B3GLCT: variants seen among roughly 807,000 people sequenced by gnomAD.
The protein encoded by B3GLCT is beta-1,3-glucosyltransferase.
B3GLCT carries 65 observed loss-of-function variants against 63.4 expected under a neutral mutation model. That is an observed-to-expected ratio of 1.03 (90% CI 0.84 to 1.26). The LOEUF (loss-of-function observed/expected upper bound fraction) is 1.26. Among genes scored for constraint, B3GLCT ranks in the 50% most tolerant of loss-of-function variants. The pLI is 0.00. For missense variants in B3GLCT, 577 were observed against 604.8 expected (o/e 0.95, Z 0.48); for synonymous variants, 233 against 219.2 (o/e 1.06, Z -0.55).
intron 8 of B3GLCT, among the ~76,000 whole-genome samples, chr13:31,272,055 T>A (rs972874114): frequency 5.3e-5 from 8 of 152,186 alleles, no homozygotes; most frequent in African/African-American, 1.9e-4. Flanking sequence ...CTTTTTTAGA[T>A]GTGTCTCTTT....
chr13:31,320,870 C>G (rs1039394947), intron 13 of B3GLCT, among the ~76,000 whole-genome samples: 1 of 152,192 alleles, frequency 6.6e-6, no homozygotes, highest in Non-Finnish European at 1.5e-5. Flanking sequence ...CTGTCTAGTT[C>G]CTCCTTGTTC....
rs9564692 is a variant in B3GLCT, at chr13:31,247,103, C to A, written c.347+4C>A. The A allele has an allele frequency of 6.2e-7, 1 of 1,607,242 alleles. No homozygotes were observed. Among genetic ancestry groups the A allele is most frequent in the Non-Finnish European group, 8.5e-7 (1 of 1,174,288 alleles). ...CCATACTTCCGTTGTTACCGCAGTA[C>A]GTTTGTTTAACTCACCTGTGAATTA... On this transcript the variant is annotated splice_donor_region_variant and intron_variant, in intron 5 of 14. Transcript: ENST00000343307.
intron 3 of B3GLCT, among the ~76,000 whole-genome samples, chr13:31,225,154 AGT>A (rs1324633945): frequency 6.6e-6 from 1 of 152,194 alleles, no homozygotes; most frequent in Non-Finnish European, 1.5e-5. Flanking sequence ...TCAGGCACTT[AGT>A]GTGCGGCCCA....
chr13:31,208,726 A>G (rs1413673523), intron 1 of B3GLCT, among the ~76,000 whole-genome samples: 1 of 147,158 alleles, frequency 6.8e-6, no homozygotes, highest in Non-Finnish European at 1.5e-5. Context: ...GTCCTCCCAC[A>G]GCCGTCCCAC....
chr13:31,314,747 T>G lies in B3GLCT; in HGVS notation c.1065-2819T>G, dbSNP rs574500249. On this transcript the variant is annotated intron_variant, in intron 12 of 14. Coordinates refer to ENST00000343307, the MANE Select transcript of B3GLCT (RefSeq NM_194318.4). The stretch of plus-strand genomic sequence containing the variant: ...GGAAAGCATGATTGGTTTTGAAATG[T>G]GAGGACATGATATTTGAGAGGGGGC... Among the ~76,000 whole-genome samples the G allele has an allele frequency of 6.5e-4, 99 of 152,232 alleles. 2 individuals carry two copies. Among genetic ancestry groups the G allele is most frequent in the African/African-American group, 2.3e-3 (95 of 41,516 alleles).
At chr13:31,280,816 C>CT (rs1398522820) in intron 10 of B3GLCT, among the ~76,000 whole-genome samples, 2 of 152,194 alleles carry the variant, frequency 1.3e-5, no homozygotes, top group African/African-American at 4.8e-5. Context: ...AAAATATACT[C>CT]TGTCTTTTGG....
chr13:31,276,296 C>T (rs1872780014), intron 9 of B3GLCT, among the ~76,000 whole-genome samples: 1 of 152,210 alleles, frequency 6.6e-6, no homozygotes, highest in South Asian at 2.1e-4. Flanking sequence ...AAAATCCCCC[C>T]TATTTCTCTC....
intron 12 of B3GLCT, among the ~76,000 whole-genome samples, chr13:31,308,347 T>TAAAAA (rs1169835730): frequency 0.018 from 435 of 23,562 alleles, 10 homozygotes; most frequent in African/African-American, 0.022. Flanking sequence ...AAAAAAAAAT[T>TAAAAA]AAAAAAAAAA....
At position 31,316,431 on chromosome 13, in the gene B3GLCT, A is replaced by ATATATATAT. The variant is rs1555255278; in HGVS notation, c.1065-1135_1065-1134insTATATATAT. 1.1e-3 allele frequency among the ~76,000 whole-genome samples: 121 copies of ATATATATAT among 110,034 alleles called. 3 individuals are homozygous for ATATATATAT. Among genetic ancestry groups the ATATATATAT allele is most frequent in the South Asian group, 5.2e-3 (16 of 3,050 alleles). 72.2% of individuals were successfully genotyped at this position (110,034 alleles called of 152,430 possible). On this transcript the variant is annotated intron_variant, in intron 12 of 14. Coordinates refer to ENST00000343307, the MANE Select transcript of B3GLCT (RefSeq NM_194318.4). The stretch of plus-strand genomic sequence containing the variant: ...TTTATATATATATATATATATATAT[A>ATATATATAT]AATTTTTTTTTTTTGAGACGGAGTT...
chr13:31,226,741 A>G (rs190891791), intron 3 of B3GLCT, among the ~76,000 whole-genome samples: 1 of 152,254 alleles, frequency 6.6e-6, no homozygotes, highest in East Asian at 1.9e-4. Flanking sequence ...AGCTAGGATT[A>G]ACCTTTTGAT....
intron 6 of B3GLCT, among the ~76,000 whole-genome samples, chr13:31,253,488 G>A (rs1593275324): frequency 1.3e-5 from 2 of 151,438 alleles, no homozygotes; most frequent in East Asian, 1.9e-4. Flanking sequence ...AGCTACTCGG[G>A]AGGCTGAGGC....
chr13:31,275,094 G>A (rs953679111), intron 9 of B3GLCT, among the ~76,000 whole-genome samples: 1 of 152,098 alleles, frequency 6.6e-6, no homozygotes, highest in Admixed American at 6.5e-5. Context: ...TCTTTATTCA[G>A]TCCACCATTA....
chr13:31,245,446 A>G (rs1272308936), intron 4 of B3GLCT, among the ~76,000 whole-genome samples: 1 of 152,150 alleles, frequency 6.6e-6, no homozygotes, highest in African/African-American at 2.4e-5. Flanking sequence ...TCATTGTTCT[A>G]TCATCTTGAC....
intron 1 of B3GLCT, among the ~76,000 whole-genome samples, chr13:31,203,443 T>C (rs530298882): frequency 4.6e-5 from 7 of 152,296 alleles, no homozygotes; most frequent in African/African-American, 1.4e-4. Flanking sequence ...CTGTTTCAAA[T>C]AGCAGTGTGA....
chr13:31,315,621 C>T (rs1221793313), intron 12 of B3GLCT, among the ~76,000 whole-genome samples: 1 of 152,210 alleles, frequency 6.6e-6, no homozygotes, highest in Non-Finnish European at 1.5e-5. Flanking sequence ...AATTTGCAGC[C>T]TGACTGTGAG....
In B3GLCT at chr13:31,295,768, C is replaced by T. The variant is rs116493526; in HGVS notation, c.1064+8949C>T. On this transcript the variant is annotated intron_variant, in intron 12 of 14. Transcript: ENST00000343307. ...TGCTGGGCTCCGTGGGGGTGGGGTT[C>T]GCTGAGCTAGACTACTTGGCTCCCT... Among the ~76,000 whole-genome samples the T allele has an allele frequency of 8.6e-3, 1,312 of 152,258 alleles. 15 individuals carry two copies. The highest frequency in any genetic ancestry group is 0.03 in the African/African-American group (1,247 of 41,536).
intron 12 of B3GLCT, among the ~76,000 whole-genome samples, chr13:31,297,375 G>GTT (rs35163232): frequency 7.3e-4 from 93 of 127,752 alleles, no homozygotes; most frequent in African/African-American, 1.9e-3. Context: ...TATTTTCTGG[G>GTT]TTTTTTTTTT....
In B3GLCT at chr13:31,206,126, G is replaced by C. The variant is rs182109494; in HGVS notation, c.70+5972G>C. 2.0e-5 allele frequency among the ~76,000 whole-genome samples: 3 copies of C among 152,292 alleles called. No individual in the cohort carries two copies. The East Asian group carries it at 5.8e-4, about 29-fold the overall frequency. On this transcript the variant is annotated intron_variant, in intron 1 of 14. Coordinates refer to ENST00000343307, the MANE Select transcript of B3GLCT (RefSeq NM_194318.4). ...GTTTTTCGTTTACGAGCTAAATGAAGTAAAGGACGTTAAATGGCCTCAGCC... is the reference window on the plus strand; with the variant it reads ...GTTTTTCGTTTACGAGCTAAATGAACTAAAGGACGTTAAATGGCCTCAGCC...
At chr13:31,301,896 T>C (rs1228813402) in intron 12 of B3GLCT, among the ~76,000 whole-genome samples, 5 of 152,232 alleles carry the variant, frequency 3.3e-5, no homozygotes, top group African/African-American at 1.2e-4. Flanking sequence ...ATTTCTACTT[T>C]ATTCATTCCA....
Sources: allele counts gnomAD v4.1 joint callset (sites outside exome capture counted in the v4.1 genomes callset), GRCh38; gene constraint gnomAD v4.1.1; transcripts MANE v1.5; gene names NCBI Gene and HGNC (gene_info 2026-07-23, HGNC 2026-07-21).